The following GADD45G variants were observed in gnomAD, a reference collection of about 807,000 sequenced individuals.
GADD45G encodes the protein growth arrest and DNA damage-inducible protein GADD45 gamma.
A neutral mutation model predicts 17.3 loss-of-function variants in GADD45G; 7 were observed. The observed-to-expected ratio is 0.41, with a 90% CI of 0.23 to 0.76. The LOEUF is 0.76. Among genes scored for constraint, GADD45G ranks in the 30% least tolerant of loss-of-function variants. GADD45G has a pLI of 0.34. For missense variants in GADD45G, 149 were observed against 219.2 expected, an observed-to-expected ratio of 0.68 and a Z score of 2.02; for synonymous variants, 93 against 94.9, an observed-to-expected ratio of 0.98 and a Z score of 0.12.
In GADD45G at chr9:89,606,142, T is replaced by A. The variant is rs1487815906; in HGVS notation, c.*63T>A. The A allele has an allele frequency of 2.3e-6, 3 of 1,288,858 alleles. No individual in the cohort carries two copies. Among genetic ancestry groups the A allele is most frequent in the Non-Finnish European group, 3.3e-6 (3 of 907,304 alleles). The allele number at this position is 1,288,858 out of a possible 1,614,324, so 79.8% of individuals were successfully genotyped here. A position where few individuals can be genotyped will look rare whatever the true frequency, so the allele number is the denominator to read the frequency against. Reference sequence around the variant, plus strand: ...CGCCCCGGGGCGCCTAGAGCGCGGCTGGCTCTGTGGAGGGGCCCTCCGAGG... The same window carrying A: ...CGCCCCGGGGCGCCTAGAGCGCGGCAGGCTCTGTGGAGGGGCCCTCCGAGG... On this transcript the variant is annotated 3_prime_UTR_variant, in exon 4 of 4. Transcript: ENST00000252506.
intron 1 of GADD45G, 39 bp from the exon 2 acceptor site, chr9:89,605,393 T>G (rs928118211): frequency 2.7e-6 from 4 of 1,467,098 alleles, no homozygotes; most frequent in East Asian, 4.9e-5. Context: ...CGCCGCGCCC[T>G]CCGGCCGGCT....
intron 2 of GADD45G, 26 bp from the exon 3 acceptor site, chr9:89,605,641 C>T (rs1827512016): frequency 6.2e-7 from 1 of 1,609,074 alleles, no homozygotes; most frequent in South Asian, 1.1e-5. Context: ...CCGGTTCTGA[C>T]CTAGGTCCCC....
Position 89,606,134 on chromosome 9 carries a change from AGC to A in GADD45G, c.*59_*60del. ...CGTGGTGACGCCCCGGGGCGCCTAG[AGC>A]GCGGCTGGCTCTGTGGAGGGGCCCT... On this transcript the variant is annotated 3_prime_UTR_variant, in exon 4 of 4. Coordinates refer to ENST00000252506, the MANE Select transcript of GADD45G (RefSeq NM_006705.4). 1 of 1,371,392 alleles carries A rather than the reference AGC, an allele frequency of 7.3e-7. No individual in the cohort carries two copies. Among genetic ancestry groups the A allele is most frequent in the Non-Finnish European group, 1.0e-6 (1 of 980,204 alleles). 85.0% of individuals were successfully genotyped at this position (1,371,392 alleles called of 1,614,324 possible).
intron 2 of GADD45G, 34 bp from the exon 3 acceptor site, chr9:89,605,633 G>T: frequency 2.5e-6 from 4 of 1,601,728 alleles, no homozygotes; most frequent in East Asian, 2.3e-5. Flanking sequence ...TCGGCTAGCC[G>T]GTTCTGACCT....
In GADD45G at chr9:89,605,793, C is replaced by A. The variant is rs757203626; in HGVS notation, c.282C>A (p.Arg94=). The change falls in exon 3 of 4, where the codon CGC becomes CGA. Residue 94 remains arginine (R), a synonymous_variant. Transcript: ENST00000252506. ...FCCENDIDIV[R]VGDVQRLAAI... ...GCGAGAACGACATCGACATAGTGCG[C>A]GTGGGCGATGTGCAGCGGCTGGCGG... 6.2e-7 allele frequency: 1 copy of A among 1,613,932 alleles called. No individual in the cohort carries two copies. The highest frequency in any genetic ancestry group is 1.7e-5 in the Admixed American group (1 of 60,028).
In GADD45G at chr9:89,605,233, G is replaced by A. The variant is rs1827501159; in HGVS notation, c.53+59G>A. On this transcript the variant is annotated intron_variant, in intron 1 of 3. Transcript: ENST00000252506. ...GGTCGGCGACCGTCAGGGTTTTCCA[G>A]GGTGGGAATCCGCGGGGTAGGAGGG... The A allele has an allele frequency of 2.0e-6, 3 of 1,517,982 alleles. No individual in the cohort carries two copies. In the African/African-American group the frequency reaches 4.1e-5, roughly 21 times the overall value. 94.0% of individuals were successfully genotyped at this position (1,517,982 alleles called of 1,614,324 possible).
chr9:89,606,369 G>C lies in GADD45G; in HGVS notation c.*290G>C. The stretch of plus-strand genomic sequence containing the variant: ...AGGGCCAGGAAGGACAGACTGGCCG[G>C]GCAGGCGTGACTCAGCAGCCTGCGC... On this transcript the variant is annotated 3_prime_UTR_variant, in exon 4 of 4. Coordinates refer to ENST00000252506, the MANE Select transcript of GADD45G (RefSeq NM_006705.4). 1 of 472,966 alleles carries C rather than the reference G, an allele frequency of 2.1e-6. No homozygotes were observed. Among genetic ancestry groups the C allele is most frequent in the Admixed American group, 3.5e-5 (1 of 28,414 alleles). The allele number at this position is 472,966 out of a possible 1,614,324, so 29.3% of individuals were successfully genotyped here.
rs763191750 is a variant in GADD45G, at chr9:89,606,356, G to C, written c.*277G>C. Reference sequence around the variant, plus strand: ...GGACGTTGGCCTCAGGGCCAGGAAGGACAGACTGGCCGGGCAGGCGTGACT... The same window carrying C: ...GGACGTTGGCCTCAGGGCCAGGAAGCACAGACTGGCCGGGCAGGCGTGACT... On this transcript the variant is annotated 3_prime_UTR_variant, in exon 4 of 4. Coordinates refer to ENST00000252506, the MANE Select transcript of GADD45G (RefSeq NM_006705.4). The C allele has an allele frequency of 9.8e-5, 49 of 499,480 alleles. No homozygotes were observed. Among genetic ancestry groups the C allele is most frequent in the Middle Eastern group, 1.1e-3 (2 of 1,886 alleles). The allele number at this position is 499,480 out of a possible 1,614,324, so 30.9% of individuals were successfully genotyped here.
Position 89,605,796 on chromosome 9 carries a change from G to T in GADD45G, c.285G>T (p.Val95=). 6.2e-7 allele frequency: 1 copy of T among 1,613,936 alleles called. No homozygotes were observed. Among genetic ancestry groups the T allele is most frequent in the East Asian group, 2.2e-5 (1 of 44,876 alleles). Residue 95 remains valine, a synonymous_variant, in exon 3 of 4, where the codon GTG becomes GTT. Transcript: ENST00000252506. ...AGAACGACATCGACATAGTGCGCGT[G>T]GGCGATGTGCAGCGGCTGGCGGCTA... is the stretch of plus-strand genomic sequence containing the variant. ...CCENDIDIVR[V]GDVQRLAAIV...
In GADD45G at chr9:89,605,824, G is replaced by A. The variant is rs746693195; in HGVS notation, c.313G>A (p.Val105Met). The stretch of plus-strand genomic sequence containing the variant: ...CGATGTGCAGCGGCTGGCGGCTATC[G>A]TGGGCGCCGGCGAGGAGGCGGGTGC... The part of the protein sequence containing the change: ...VGDVQRLAAI[V>M]GAGEEAGAPG... The change falls in exon 3 of 4, where the codon GTG becomes ATG. Residue 105 changes from valine (V) to methionine (M), a missense_variant. Coordinates refer to ENST00000252506, the MANE Select transcript of GADD45G (RefSeq NM_006705.4). 3 of 1,613,326 alleles carry A rather than the reference G, an allele frequency of 1.9e-6. No individual in the cohort carries two copies. The highest frequency in any genetic ancestry group is 2.5e-6 in the Non-Finnish European group (3 of 1,179,780).
chr9:89,605,386 C>G, intron 1 of GADD45G, 46 bp from the exon 2 acceptor site: 1 of 1,418,416 alleles, frequency 7.1e-7, no homozygotes, highest in South Asian at 1.2e-5. Context: ...GGGTCTCCGC[C>G]GCGCCCTCCG....
At position 89,606,392 on chromosome 9, in the gene GADD45G, C is replaced by T; in HGVS notation, c.*313C>T. The T allele has an allele frequency of 2.4e-6, 1 of 421,102 alleles. No homozygotes were observed. Among genetic ancestry groups the T allele is most frequent in the East Asian group, 4.3e-5 (1 of 23,306 alleles). 26.1% of individuals were successfully genotyped at this position (421,102 alleles called of 1,614,324 possible). A position where few individuals can be genotyped will look rare whatever the true frequency, so the allele number is the denominator to read the frequency against. ...CGGGCAGGCGTGACTCAGCAGCCTG[C>T]GCTCGGCAGGAAGGAGCGGCGCCCT... is the stretch of plus-strand genomic sequence containing the variant. On this transcript the variant is annotated 3_prime_UTR_variant, in exon 4 of 4. Coordinates refer to ENST00000252506, the MANE Select transcript of GADD45G (RefSeq NM_006705.4).
chr9:89,606,537 A>G lies in GADD45G; in HGVS notation c.*458A>G, dbSNP rs1166555407. On this transcript the variant is annotated 3_prime_UTR_variant, in exon 4 of 4. Coordinates refer to ENST00000252506, the MANE Select transcript of GADD45G (RefSeq NM_006705.4). The stretch of plus-strand genomic sequence containing the variant: ...TGCTGTTGAAGCTTTGAATTTTACA[A>G]TAAACTTTTTGAAACAAACTTATGC... The G allele has an allele frequency of 1.1e-5, 2 of 178,614 alleles. No homozygotes were observed. Among genetic ancestry groups the G allele is most frequent in the Non-Finnish European group, 2.4e-5 (2 of 83,926 alleles). The allele number at this position is 178,614 out of a possible 1,614,324, so 11.1% of individuals were successfully genotyped here.
intron 1 of GADD45G, 26 bp downstream of exon 1, chr9:89,605,200 C>A: frequency 6.2e-7 from 1 of 1,607,230 alleles, no homozygotes; most frequent in Non-Finnish European, 8.5e-7. Context: ...CTGAGAAAGC[C>A]GCTGGTCGGT....
In GADD45G at chr9:89,605,131, G is replaced by A. The variant is rs1165278423; in HGVS notation, c.10G>A (p.Glu4Lys). The A allele has an allele frequency of 5.0e-6, 8 of 1,613,904 alleles. No individual in the cohort carries two copies. The highest frequency in any genetic ancestry group is 6.8e-6 in the Non-Finnish European group (8 of 1,179,802). The change falls in exon 1 of 4, where the codon GAA becomes AAA. Residue 4 changes from glutamate (E) to lysine (K), a missense_variant. Transcript: ENST00000252506. MTL[E>K]EVRGQDTVPE... ...GCTGGTTGATCGCACTATGACTCTG[G>A]AAGAAGTCCGCGGCCAGGACACAGT...
rs1434863314 is a variant in GADD45G at position 89,606,368 on chromosome 9, G to C, written c.*289G>C. The C allele has an allele frequency of 2.1e-6, 1 of 472,016 alleles. No homozygotes were observed. Among genetic ancestry groups the C allele is most frequent in the Non-Finnish European group, 3.8e-6 (1 of 261,742 alleles). The allele number at this position is 472,016 out of a possible 1,614,324, so 29.2% of individuals were successfully genotyped here. A position where few individuals can be genotyped will look rare whatever the true frequency, so the allele number is the denominator to read the frequency against. On this transcript the variant is annotated 3_prime_UTR_variant, in exon 4 of 4. Transcript: ENST00000252506. ...CAGGGCCAGGAAGGACAGACTGGCCGGGCAGGCGTGACTCAGCAGCCTGCG... is the reference window on the plus strand; with the variant it reads ...CAGGGCCAGGAAGGACAGACTGGCCCGGCAGGCGTGACTCAGCAGCCTGCG...
rs935380615 is a variant in GADD45G at position 89,605,106 on chromosome 9, G to A, written c.-16G>A. On this transcript the variant is annotated 5_prime_UTR_variant, in exon 1 of 4. Transcript: ENST00000252506. Reference sequence around the variant, plus strand: ...GCTCTCCGCTTGTGGATAACTAGCTGCTGGTTGATCGCACTATGACTCTGG... The same window carrying A: ...GCTCTCCGCTTGTGGATAACTAGCTACTGGTTGATCGCACTATGACTCTGG... 1 of 1,611,630 alleles carries A rather than the reference G, an allele frequency of 6.2e-7. No homozygotes were observed. The highest frequency in any genetic ancestry group is 2.2e-5 in the East Asian group (1 of 44,868).
Position 89,606,046 on chromosome 9 carries a change from C to T in GADD45G, c.447C>T (p.Asn149=). 1 of 1,613,002 alleles carries T rather than the reference C, an allele frequency of 6.2e-7. No homozygotes were observed. Among genetic ancestry groups the T allele is most frequent in the African/African-American group, 1.3e-5 (1 of 75,044 alleles). The change falls in exon 4 of 4, where the codon AAC becomes AAT. Residue 149 remains asparagine, a synonymous_variant. Coordinates refer to ENST00000252506, the MANE Select transcript of GADD45G (RefSeq NM_006705.4). The stretch of plus-strand genomic sequence containing the variant: ...TTTGCGAGGAGAGCCGCAGCGTTAA[C>T]GACTGGGTGCCCAGCATCACCCTCC... The part of the protein sequence containing the change: ...SLFCEESRSV[N]DWVPSITLPE
Position 89,605,052 on chromosome 9 carries a change from G to C in GADD45G, c.-70G>C. The C allele has an allele frequency of 8.1e-7, 1 of 1,228,836 alleles. No individual in the cohort carries two copies. The highest frequency in any genetic ancestry group is 1.2e-6 in the Non-Finnish European group (1 of 845,882). The allele number at this position is 1,228,836 out of a possible 1,614,324, so 76.1% of individuals were successfully genotyped here. A position where few individuals can be genotyped will look rare whatever the true frequency, so the allele number is the denominator to read the frequency against. On this transcript the variant is annotated 5_prime_UTR_variant, in exon 1 of 4. Transcript: ENST00000252506. ...GGGCGCGCCGTGCTGAGCTCTGGCT[G>C]TCAGTGTGTTCGCCCGCGTCCCCTC... is the stretch of plus-strand genomic sequence containing the variant.
Sources: gnomAD v4.1 joint callset for allele counts on GRCh38, gnomAD v4.1.1 for gene constraint, MANE v1.5 for transcripts, NCBI Gene and HGNC (gene_info 2026-07-23, HGNC 2026-07-21) for gene names.